CBR4: variants seen among roughly 807,000 people sequenced by gnomAD.
CBR4 encodes the protein 3-oxoacyl-[acyl-carrier-protein] reductase.
A neutral mutation model predicts 21.0 loss-of-function variants in CBR4; 22 were observed. The ratio of observed to expected loss-of-function variants is 1.05; its 90% CI spans 0.75 to 1.50. The LOEUF is 1.50. Ranked by LOEUF, CBR4 falls within the 40% of genes most tolerant of loss-of-function variation. The probability of loss-of-function intolerance (pLI) is 0.00; values close to 1 mark genes in which losing one functional copy is unlikely to be tolerated. For synonymous variants in CBR4, 100 were observed against 104.4 expected (o/e 0.96, Z 0.26); for missense variants, 302 against 286.3 (o/e 1.05, Z -0.40).
intron 2 of CBR4, among the ~76,000 whole-genome samples, chr4:168,904,948 G>A (rs187343664): frequency 0.015 from 2,234 of 151,824 alleles, 28 homozygotes; most frequent in Non-Finnish European, 0.022. Flanking sequence ...CCAACATGGC[G>A]AAACCCTGTC....
At chr4:168,896,527 A>G in intron 2 of CBR4, 2 of 1,381,060 alleles carry the variant, frequency 1.4e-6, no homozygotes, top group Non-Finnish European at 2.0e-6. Context: ...TAGTCTTCAC[A>G]TCTTTTTTTC....
At chr4:168,991,319 G>A (rs1764912658) in intron 4 of CBR4, among the ~76,000 whole-genome samples, 1 of 152,152 alleles carries the variant, frequency 6.6e-6, no homozygotes, top group Non-Finnish European at 1.5e-5. Flanking sequence ...TATCCTGATA[G>A]AAGTATATAT....
At chr4:168,917,289 C>T (rs1760375321) in intron 2 of CBR4, among the ~76,000 whole-genome samples, 1 of 152,056 alleles carries the variant, frequency 6.6e-6, no homozygotes. Flanking sequence ...ACCTCGTGAT[C>T]CGCCCTCCTC....
At chr4:168,994,647 C>T (rs1765096167) in intron 4 of CBR4, among the ~76,000 whole-genome samples, 1 of 151,932 alleles carries the variant, frequency 6.6e-6, no homozygotes, top group African/African-American at 2.4e-5. Context: ...GGCACAATCA[C>T]GGCTCACTGC....
intron 2 of CBR4, among the ~76,000 whole-genome samples, chr4:168,956,230 G>A (rs1169307336): frequency 1.3e-5 from 2 of 152,080 alleles, no homozygotes; most frequent in Non-Finnish European, 2.9e-5. Flanking sequence ...ACTGGAATAC[G>A]AAACATAATG....
chr4:168,929,015 A>ATATT (rs1313345861), intron 2 of CBR4, among the ~76,000 whole-genome samples: 4 of 152,190 alleles, frequency 2.6e-5, no homozygotes, highest in Middle Eastern at 3.2e-3. Flanking sequence ...GAGGATGGGG[A>ATATT]TATTAGGGGC....
chr4:169,002,968 C>T (rs540224578), intron 3 of CBR4, among the ~76,000 whole-genome samples: 1 of 152,128 alleles, frequency 6.6e-6, no homozygotes, highest in Non-Finnish European at 1.5e-5. Context: ...TGGGGTGCCA[C>T]AAACAAAATA....
At chr4:169,002,007 A>G in intron 4 of CBR4, 64 bp downstream of exon 4, 1 of 1,324,658 alleles carries the variant, frequency 7.5e-7, no homozygotes, top group Non-Finnish European at 1.0e-6. Flanking sequence ...CTAATGTTCC[A>G]AATAATGGCT....
chr4:168,946,921 C>A (rs765890624), intron 2 of CBR4, among the ~76,000 whole-genome samples: 1 of 152,134 alleles, frequency 6.6e-6, no homozygotes, highest in Non-Finnish European at 1.5e-5. Context: ...CCCAACTACG[C>A]ACATGGAGCT....
At chr4:169,008,608 G>A (rs1215434165) in intron 1 of CBR4, among the ~76,000 whole-genome samples, 1 of 152,100 alleles carries the variant, frequency 6.6e-6, no homozygotes, top group Non-Finnish European at 1.5e-5. Context: ...CATGGAACAC[G>A]ATTCAAAGGA....
chr4:168,933,721 A>C (rs940950332), intron 2 of CBR4, among the ~76,000 whole-genome samples: 2 of 152,192 alleles, frequency 1.3e-5, no homozygotes, highest in Non-Finnish European at 1.5e-5. Flanking sequence ...CATTCTTTTT[A>C]TCAGCACATG....
At chr4:168,954,490 C>T (rs926342881) in intron 2 of CBR4, among the ~76,000 whole-genome samples, 5 of 152,198 alleles carry the variant, frequency 3.3e-5, no homozygotes, top group African/African-American at 9.6e-5. Context: ...ACTCCACCCT[C>T]ATAACCTAAT....
chr4:168,912,463 A>C (rs1759172154), intron 2 of CBR4, among the ~76,000 whole-genome samples: 1 of 152,246 alleles, frequency 6.6e-6, no homozygotes, highest in African/African-American at 2.4e-5. Context: ...AGTGAAAAAA[A>C]CAAATTAAGA....
At chr4:168,977,183 T>G (rs1028016164) in intron 2 of CBR4, among the ~76,000 whole-genome samples, 8 of 151,950 alleles carry the variant, frequency 5.3e-5, no homozygotes, top group Non-Finnish European at 1.0e-4. Flanking sequence ...TGCACATTAG[T>G]CCTGTCTCCT....
At chr4:169,006,923 A>C (rs1388201998) in intron 2 of CBR4, 32 bp from the exon 3 acceptor site, 1 of 1,575,558 alleles carries the variant, frequency 6.3e-7, no homozygotes, top group East Asian at 2.2e-5. Flanking sequence ...AATAGCATAT[A>C]ATAACAAGAT....
intron 2 of CBR4, among the ~76,000 whole-genome samples, chr4:168,939,517 C>A (rs113526741): frequency 2.5e-4 from 38 of 152,250 alleles, no homozygotes; most frequent in African/African-American, 8.4e-4. Flanking sequence ...TTTCTGTTTG[C>A]AGATGACATG....
chr4:168,953,762 G>A (rs963363042), intron 2 of CBR4, among the ~76,000 whole-genome samples: 1 of 152,058 alleles, frequency 6.6e-6, no homozygotes, highest in African/African-American at 2.4e-5. Context: ...AGCCTAAGAA[G>A]ATAGCCAAAG....
chr4:168,952,475 G>A lies in CBR4; in HGVS notation n.169+49596C>T, dbSNP rs145088865. The stretch of plus-strand genomic sequence containing the variant: ...GCTGCTGACCTAGTGTGATTTTGGG[G>A]GGGTGTTAAAGAGCCCTGTTTTGTC... On this transcript the variant is annotated intron_variant and non_coding_transcript_variant, in intron 2 of 3. Coordinates refer to the CBR4 transcript ENST00000509108. 2.6e-5 allele frequency among the ~76,000 whole-genome samples: 4 copies of A among 152,200 alleles called. No homozygotes were observed. In the East Asian group the frequency reaches 7.7e-4, roughly 29 times the overall value.
At chr4:168,985,477 T>C (rs2126792272), downstream of CBR4, among the ~76,000 whole-genome samples, 1 of 152,330 alleles carries the variant, frequency 6.6e-6, no homozygotes. Flanking sequence ...GAAAACAGTC[T>C]GGAGATTTCT....
Sources: allele counts gnomAD v4.1 joint callset (sites outside exome capture counted in the v4.1 genomes callset), GRCh38; gene constraint gnomAD v4.1.1; transcripts MANE v1.5; gene names NCBI Gene and HGNC (gene_info 2026-07-23, HGNC 2026-07-21).